The following TENM4 variants were observed in gnomAD, a reference collection of about 807,000 sequenced individuals.
TENM4 encodes the protein teneurin-4.
TENM4 carries 82 observed loss-of-function variants against 243.3 expected under a neutral mutation model. The observed-to-expected ratio is 0.34, with a 90% CI of 0.28 to 0.40. The LOEUF (loss-of-function observed/expected upper bound fraction) is 0.40. Ranked by LOEUF, TENM4 falls within the 10% of genes least tolerant of loss-of-function variation. TENM4 has a pLI of 1.00. For missense variants in TENM4, 3,138 were observed against 3,673.3 expected (o/e 0.85, Z 3.77); for synonymous variants, 1,412 against 1,456.3 (o/e 0.97, Z 0.69).
At chr11:79,134,473 C>T (rs553060489) in intron 4 of TENM4, among the ~76,000 whole-genome samples, 1 of 152,220 alleles carries the variant, frequency 6.6e-6, no homozygotes, top group East Asian at 1.9e-4. Flanking sequence ...TACCATCATT[C>T]TTCACAGAAC....
intron 17 of TENM4, 74 bp from the exon 18 acceptor site, chr11:78,771,212 T>A: frequency 6.6e-7 from 1 of 1,519,796 alleles, no homozygotes; most frequent in Non-Finnish European, 8.9e-7. Flanking sequence ...ACACGCTACC[T>A]GCCAACTTGC....
chr11:78,898,435 A>C (rs147622854), intron 7 of TENM4, among the ~76,000 whole-genome samples: 7 of 152,338 alleles, frequency 4.6e-5, no homozygotes, highest in African/African-American at 1.4e-4. Context: ...TATTTCTCTG[A>C]TATCAAGAGG....
chr11:79,298,318 A>G (rs1856490344), intron 1 of TENM4, among the ~76,000 whole-genome samples: 1 of 151,824 alleles, frequency 6.6e-6, no homozygotes, highest in Admixed American at 6.6e-5. Context: ...GATCGAGACC[A>G]TCCTGGCTAA....
Position 79,392,948 on chromosome 11 carries a change from G to A in TENM4, c.-321+47561C>T, listed in dbSNP as rs150024507. Among the ~76,000 whole-genome samples the A allele has an allele frequency of 3.2e-3, 487 of 152,282 alleles. 1 individual carries two copies. The highest frequency in any genetic ancestry group is 4.9e-3 in the Non-Finnish European group (334 of 68,022). On this transcript the variant is annotated intron_variant, in intron 1 of 33. Coordinates refer to ENST00000278550, the MANE Select transcript of TENM4 (RefSeq NM_001098816.3). ...GTGAAGACACAACTAAGAATTTAGT[G>A]AGAAATCCATTTTGGCTCCTATCTT...
rs1364256077 is a variant in TENM4 at position 79,327,454 on chromosome 11, C to A, written c.-320-29911G>T. Among the ~76,000 whole-genome samples, 4 of 152,132 alleles carry A rather than the reference C, an allele frequency of 2.6e-5. No homozygotes were observed. In the East Asian group the frequency reaches 7.7e-4, roughly 29 times the overall value. ...ATACATCACTACCACAACAGATGTT[C>A]TCTCTAAAAGACATCCATATTTATT... On this transcript the variant is annotated intron_variant, in intron 1 of 33. Transcript: ENST00000278550.
intron 32 of TENM4, among the ~76,000 whole-genome samples, chr11:78,663,936 G>A (rs577274618): frequency 1.1e-4 from 17 of 152,142 alleles, no homozygotes; most frequent in Non-Finnish European, 2.2e-4. Context: ...TGTGCAACTT[G>A]GTGGTGCTGA....
intron 2 of TENM4, among the ~76,000 whole-genome samples, chr11:79,234,883 C>T (rs1410448170): frequency 6.6e-6 from 1 of 152,088 alleles, no homozygotes; most frequent in Non-Finnish European, 1.5e-5. Flanking sequence ...ACCTGGCTTG[C>T]GGGGTCTGGC....
intron 6 of TENM4, among the ~76,000 whole-genome samples, chr11:79,042,816 G>A (rs955533439): frequency 1.1e-4 from 17 of 152,088 alleles, no homozygotes; most frequent in Non-Finnish European, 2.5e-4. Context: ...TTCAGATTCC[G>A]GGGGCCACAA....
chr11:78,664,017 T>C (rs957106381), intron 32 of TENM4, among the ~76,000 whole-genome samples: 37 of 152,166 alleles, frequency 2.4e-4, no homozygotes, highest in Admixed American at 4.6e-4. Flanking sequence ...GGCAAAATCA[T>C]AGGAAAGAAC....
chr11:79,392,596 C>G (rs1477289852), intron 1 of TENM4, among the ~76,000 whole-genome samples: 1 of 152,230 alleles, frequency 6.6e-6, no homozygotes, highest in Non-Finnish European at 1.5e-5. Flanking sequence ...CCAGATTGGG[C>G]TGCCTGGGCC....
chr11:79,420,171 G>T (rs1390851734), intron 1 of TENM4, among the ~76,000 whole-genome samples: 16 of 152,076 alleles, frequency 1.1e-4, no homozygotes, highest in Admixed American at 1.0e-3. Flanking sequence ...TCTCCCTCCT[G>T]ATCATTTGAA....
intron 6 of TENM4, among the ~76,000 whole-genome samples, chr11:78,912,977 C>T (rs1856225618): frequency 6.6e-6 from 1 of 152,330 alleles, no homozygotes; most frequent in East Asian, 1.9e-4. Context: ...AACACTTAAC[C>T]TATCTGAGCC....
intron 6 of TENM4, among the ~76,000 whole-genome samples, chr11:78,994,691 C>T (rs1365443275): frequency 6.6e-6 from 1 of 152,096 alleles, no homozygotes; most frequent in Non-Finnish European, 1.5e-5. Context: ...AATGGAGAAT[C>T]GGAAGAGTTG....
At chr11:79,151,334 A>G (rs375617431) in intron 3 of TENM4, among the ~76,000 whole-genome samples, 68 of 152,320 alleles carry the variant, frequency 4.5e-4, no homozygotes, top group Middle Eastern at 6.8e-3. Flanking sequence ...CTGACCATGC[A>G]TCCATCTCTC....
chr11:79,387,145 A>G (rs1411964484), intron 1 of TENM4, among the ~76,000 whole-genome samples: 1 of 152,248 alleles, frequency 6.6e-6, no homozygotes, highest in Non-Finnish European at 1.5e-5. Context: ...AGGAGCAGAC[A>G]AAAAAGAGTA....
chr11:79,188,378 G>A (rs538590668), intron 3 of TENM4, among the ~76,000 whole-genome samples: 4 of 152,182 alleles, frequency 2.6e-5, no homozygotes, highest in Non-Finnish European at 5.9e-5. Flanking sequence ...CAATTTCAAG[G>A]GTTAATGCAC....
chr11:79,082,290 A>T (rs1295028966), intron 4 of TENM4, among the ~76,000 whole-genome samples: 1 of 152,066 alleles, frequency 6.6e-6, no homozygotes, highest in Non-Finnish European at 1.5e-5. Context: ...GGTAGCACAA[A>T]TCCACTCCCT....
At chr11:79,294,771 C>A (rs1213998231) in intron 2 of TENM4, among the ~76,000 whole-genome samples, 2 of 152,034 alleles carry the variant, frequency 1.3e-5, no homozygotes, top group African/African-American at 2.4e-5. Flanking sequence ...ATCGTTTGAA[C>A]CTGGGAGGTA....
chr11:78,776,547 G>A (rs772900365), intron 17 of TENM4, among the ~76,000 whole-genome samples: 6 of 152,036 alleles, frequency 3.9e-5, no homozygotes, highest in East Asian at 1.9e-4. Context: ...AACAAAATCC[G>A]GCCCATCTTT....
Sources: gnomAD v4.1 joint callset for allele counts (sites outside exome capture counted in the v4.1 genomes callset) on GRCh38, gnomAD v4.1.1 for gene constraint, MANE v1.5 for transcripts, NCBI Gene and HGNC (gene_info 2026-07-23, HGNC 2026-07-21) for gene names.